Variants in PCDHGB2 observed in about 807,000 individuals in gnomAD.
PCDHGB2 encodes the protein protocadherin gamma-B2.
In PCDHGB2, 55 loss-of-function variants were observed where a neutral mutation model predicts 59.3. That is an observed-to-expected ratio of 0.93 (90% confidence interval 0.75 to 1.16). PCDHGB2 has a LOEUF of 1.16. Ranked by LOEUF, PCDHGB2 falls within the 50% of genes most tolerant of loss-of-function variation. The pLI, the probability that PCDHGB2 is intolerant of heterozygous loss-of-function variation, is 0.00. For synonymous variants in PCDHGB2, 516 were observed against 512.0 expected (o/e 1.01, Z -0.11); for missense variants, 1,228 against 1,198.5 (o/e 1.02, Z -0.36).
chr5:141,436,781 A>C (rs1041532929), intron 1 of PCDHGB2, among the ~76,000 whole-genome samples: 1 of 152,236 alleles, frequency 6.6e-6, no homozygotes, highest in Admixed American at 6.5e-5. Flanking sequence ...TGTGGATGGA[A>C]ATAAAACTGT....
chr5:141,419,617 C>T (rs780077182), intron 1 of PCDHGB2: 2 of 1,612,280 alleles, frequency 1.2e-6, no homozygotes, highest in South Asian at 2.2e-5. Flanking sequence ...AGCCAGGCTA[C>T]CTGGTGACCA....
At chr5:141,373,335 A>G (rs1769489383) in intron 1 of PCDHGB2, among the ~76,000 whole-genome samples, 1 of 152,236 alleles carries the variant, frequency 6.6e-6, no homozygotes, top group Admixed American at 6.5e-5. Flanking sequence ...GGCATCTAAA[A>G]TGGCAACTCT....
intron 1 of PCDHGB2, among the ~76,000 whole-genome samples, chr5:141,425,864 A>T (rs2096899427): frequency 6.6e-6 from 1 of 152,254 alleles, no homozygotes; most frequent in African/African-American, 2.4e-5. Flanking sequence ...TGTTCTATAG[A>T]TTCCCATCTC....
chr5:141,390,537 A>G (rs565157857), intron 1 of PCDHGB2: 629 of 520,554 alleles, frequency 1.2e-3, no homozygotes, highest in Non-Finnish European at 1.9e-3. Context: ...GGTTTTAACC[A>G]CAAAGTGAAA....
intron 1 of PCDHGB2, chr5:141,441,578 C>T (rs889509502): frequency 2.9e-5 from 6 of 207,738 alleles, no homozygotes; most frequent in Non-Finnish European, 5.9e-5. Flanking sequence ...CCAACCTAGA[C>T]TTGGGACCCA....
chr5:141,389,837 A>C, intron 1 of PCDHGB2: 2 of 1,613,842 alleles, frequency 1.2e-6, no homozygotes, highest in South Asian at 2.2e-5. Context: ...GACAGCCACC[A>C]CTCTCGGCCA....
At chr5:141,462,823 G>A (rs1420321501) in intron 1 of PCDHGB2, among the ~76,000 whole-genome samples, 1 of 152,170 alleles carries the variant, frequency 6.6e-6, no homozygotes, top group African/African-American at 2.4e-5. Flanking sequence ...TTGGACAGCA[G>A]ACATTGTAAA....
intron 1 of PCDHGB2, among the ~76,000 whole-genome samples, chr5:141,436,742 G>A (rs568532036): frequency 3.9e-4 from 59 of 152,304 alleles, no homozygotes; most frequent in Non-Finnish European, 7.1e-4. Flanking sequence ...ATTTTTGTGT[G>A]CTTCTCCATA....
intron 1 of PCDHGB2, among the ~76,000 whole-genome samples, chr5:141,482,652 G>C (rs1276348234): frequency 6.6e-6 from 1 of 152,074 alleles, no homozygotes; most frequent in African/African-American, 2.4e-5. Flanking sequence ...GGTGATGCTT[G>C]AGCTATGATC....
At chr5:141,389,578 TG>T (rs1314978831) in intron 1 of PCDHGB2, 1 of 1,613,236 alleles carries the variant, frequency 6.2e-7, no homozygotes, top group South Asian at 1.1e-5. Context: ...TACCCCGCGC[TG>T]GGTCCCGACG....
intron 1 of PCDHGB2, chr5:141,429,216 T>A (rs1590916921): frequency 6.8e-6 from 1 of 146,786 alleles, no homozygotes; most frequent in Admixed American, 6.7e-5. Context: ...GTGTGAAAAG[T>A]GGGTATTATG....
chr5:141,469,314 C>T (rs982242861), intron 1 of PCDHGB2, among the ~76,000 whole-genome samples: 3 of 152,100 alleles, frequency 2.0e-5, no homozygotes, highest in Admixed American at 1.3e-4. Context: ...CGATGGCTCA[C>T]GCCTGTAATC....
At chr5:141,414,285 A>G (rs766515802) in intron 1 of PCDHGB2, 1 of 1,613,634 alleles carries the variant, frequency 6.2e-7, no homozygotes, top group East Asian at 2.2e-5. Context: ...GAACAGTCGT[A>G]GCCCTTTTAA....
At chr5:141,419,751 C>T (rs140649685) in intron 1 of PCDHGB2, 1 of 1,613,900 alleles carries the variant, frequency 6.2e-7, no homozygotes, top group African/African-American at 1.3e-5. Flanking sequence ...ATGGTGCGTG[C>T]TTTGGGTGAC....
chr5:141,481,065 AAAAG>A (rs1476331686), intron 1 of PCDHGB2, among the ~76,000 whole-genome samples: 1 of 152,164 alleles, frequency 6.6e-6, no homozygotes, highest in Non-Finnish European at 1.5e-5. Flanking sequence ...CTCAAAAACA[AAAAG>A]AAAGAAAGAA....
At chr5:141,402,025 AAC>A (rs1265000731) in intron 1 of PCDHGB2, among the ~76,000 whole-genome samples, 9 of 152,192 alleles carry the variant, frequency 5.9e-5, no homozygotes, top group African/African-American at 1.7e-4. Flanking sequence ...GAATCATTGA[AAC>A]ACAGTCTGTG....
At chr5:141,393,989 T>G in intron 1 of PCDHGB2, 1 of 1,613,634 alleles carries the variant, frequency 6.2e-7, no homozygotes, top group Non-Finnish European at 8.5e-7. Flanking sequence ...ATTTACCTTT[T>G]AAATTAGAAA....
chr5:141,492,487 C>T (rs1031047955), intron 1 of PCDHGB2, among the ~76,000 whole-genome samples: 1 of 152,222 alleles, frequency 6.6e-6, no homozygotes, highest in Non-Finnish European at 1.5e-5. Context: ...CGCCCAGGAC[C>T]AGGCGAGGAC....
intron 1 of PCDHGB2, chr5:141,377,100 C>G (rs941685328): frequency 6.6e-6 from 1 of 152,186 alleles, no homozygotes; most frequent in East Asian, 1.9e-4. Context: ...TCTTTTATAT[C>G]AAAAGAATGT....
Sources: allele counts gnomAD v4.1 joint callset (sites outside exome capture counted in the v4.1 genomes callset), GRCh38; gene constraint gnomAD v4.1.1; transcripts MANE v1.5; gene names NCBI Gene and HGNC (gene_info 2026-07-23, HGNC 2026-07-21).